GABRB1: variants seen among roughly 807,000 people sequenced by gnomAD.
GABRB1 encodes gamma-aminobutyric acid receptor subunit beta-1.
Under a neutral mutation model 51.6 loss-of-function variants are expected in GABRB1, and 17 were observed. That is an observed-to-expected ratio of 0.33 (90% CI 0.23 to 0.49). The LOEUF (loss-of-function observed/expected upper bound fraction) is 0.49, where lower values mean the gene tolerates loss of function less well. Among genes scored for constraint, GABRB1 ranks in the 20% least tolerant of loss-of-function variants. The pLI, the probability that GABRB1 is intolerant of heterozygous loss-of-function variation, is 0.99. For missense variants in GABRB1, 410 were observed against 600.6 expected (o/e 0.68, Z 3.32); for synonymous variants, 247 against 218.9 (o/e 1.13, Z -1.14).
At chr4:47,318,819 A>C (rs1724972107) in intron 4 of GABRB1, among the ~76,000 whole-genome samples, 1 of 152,162 alleles carries the variant, frequency 6.6e-6, no homozygotes, top group Admixed American at 6.5e-5. Flanking sequence ...ACTTTTAAAA[A>C]TGTAACGGTC....
intron 5 of GABRB1, among the ~76,000 whole-genome samples, chr4:47,335,500 G>C (rs913032169): frequency 6.6e-6 from 1 of 151,976 alleles, no homozygotes; most frequent in Non-Finnish European, 1.5e-5. Flanking sequence ...TGTTCATCTA[G>C]TTGCATAATA....
intron 4 of GABRB1, among the ~76,000 whole-genome samples, chr4:47,180,169 C>G (rs1397773841): frequency 6.6e-6 from 1 of 151,920 alleles, no homozygotes; most frequent in Non-Finnish European, 1.5e-5. Flanking sequence ...AAGAAACACC[C>G]TGATACAGAG....
At chr4:47,368,747 G>A (rs975284673) in intron 5 of GABRB1, among the ~76,000 whole-genome samples, 9 of 151,918 alleles carry the variant, frequency 5.9e-5, no homozygotes, top group African/African-American at 2.2e-4. Flanking sequence ...TCTCAGCAGT[G>A]TATGACCACT....
intron 7 of GABRB1, among the ~76,000 whole-genome samples, chr4:47,406,351 T>G (rs1265681019): frequency 6.6e-6 from 1 of 152,234 alleles, no homozygotes; most frequent in Non-Finnish European, 1.5e-5. Flanking sequence ...TGTGGTCATG[T>G]AACAAAGTGA....
At chr4:47,368,039 C>T (rs1408918653) in intron 5 of GABRB1, among the ~76,000 whole-genome samples, 1 of 152,196 alleles carries the variant, frequency 6.6e-6, no homozygotes, top group Non-Finnish European at 1.5e-5. Context: ...AATCATGTTG[C>T]TACCCATGGT....
At chr4:47,082,517 T>A (rs1333919796) in intron 3 of GABRB1, among the ~76,000 whole-genome samples, 1 of 152,140 alleles carries the variant, frequency 6.6e-6, no homozygotes, top group Non-Finnish European at 1.5e-5. Flanking sequence ...TATGTCATTC[T>A]CTGCTATTTC....
At chr4:47,400,128 T>C (rs1025927064) in intron 5 of GABRB1, among the ~76,000 whole-genome samples, 3 of 152,214 alleles carry the variant, frequency 2.0e-5, no homozygotes, top group Admixed American at 6.5e-5. Context: ...TAAAATTGTC[T>C]TCCAAGCCAC....
At chr4:47,181,622 G>A (rs147464221) in intron 4 of GABRB1, among the ~76,000 whole-genome samples, 171 of 152,028 alleles carry the variant, frequency 1.1e-3, no homozygotes, top group African/African-American at 3.5e-3. Context: ...AGTGCCTATC[G>A]CATAGGGTTG....
intron 7 of GABRB1, 130 bp from the exon 8 acceptor site, chr4:47,406,552 G>T: frequency 9.0e-7 from 1 of 1,109,252 alleles, no homozygotes; most frequent in Admixed American, 2.2e-5. Flanking sequence ...TTTGCCCAAT[G>T]GTTTATCATG....
chr4:47,291,193 C>G (rs548804386), intron 4 of GABRB1, among the ~76,000 whole-genome samples: 1 of 152,144 alleles, frequency 6.6e-6, no homozygotes, highest in Non-Finnish European at 1.5e-5. Context: ...TAAAATGGGG[C>G]AAGGTACAGC....
At chr4:47,320,057 G>A in intron 4 of GABRB1, 70 bp from the exon 5 acceptor site, 1 of 1,062,264 alleles carries the variant, frequency 9.4e-7, no homozygotes, top group Non-Finnish European at 1.5e-6. Context: ...ATGATTTGGG[G>A]CTAGGAAGCC....
At chr4:47,363,888 A>G (rs1414984363) in intron 5 of GABRB1, among the ~76,000 whole-genome samples, 1 of 152,202 alleles carries the variant, frequency 6.6e-6, no homozygotes, top group Non-Finnish European at 1.5e-5. Flanking sequence ...GTTCACCTGG[A>G]CAGGGTCAGG....
chr4:47,086,777 C>T (rs528167510), intron 3 of GABRB1, among the ~76,000 whole-genome samples: 76 of 152,296 alleles, frequency 5.0e-4, no homozygotes, highest in Admixed American at 1.8e-3. Context: ...TGATTTCTCA[C>T]ATAGAGCTCT....
intron 4 of GABRB1, among the ~76,000 whole-genome samples, chr4:47,216,645 C>T (rs1190432703): frequency 1.1e-4 from 17 of 151,818 alleles, no homozygotes; most frequent in Admixed American, 1.1e-3. Context: ...GGCAAATAGT[C>T]GTATGATAAG....
In GABRB1 at chr4:47,300,344, C is replaced by T. The variant is rs1396883440; in HGVS notation, c.462-19783C>T. 2.0e-5 allele frequency among the ~76,000 whole-genome samples: 3 copies of T among 152,038 alleles called. No individual in the cohort carries two copies. In the East Asian group the frequency reaches 5.8e-4, roughly 29 times the overall value. ...TTCATTAATTAAGTTCAATATCAGT[C>T]CTAGGCTTTAAGAGGGACATTGTAA... On this transcript the variant is annotated intron_variant, in intron 4 of 8. Coordinates refer to ENST00000295454, the MANE Select transcript of GABRB1 (RefSeq NM_000812.4).
At chr4:47,289,692 A>T (rs1723652161) in intron 4 of GABRB1, among the ~76,000 whole-genome samples, 1 of 152,208 alleles carries the variant, frequency 6.6e-6, no homozygotes, top group Non-Finnish European at 1.5e-5. Flanking sequence ...CCCATGCATG[A>T]CATAAGATGC....
At chr4:47,422,542 A>G (rs969460043) in intron 8 of GABRB1, among the ~76,000 whole-genome samples, 1 of 152,024 alleles carries the variant, frequency 6.6e-6, no homozygotes, top group Non-Finnish European at 1.5e-5. Flanking sequence ...CTGAAACACT[A>G]TTGACCATTC....
chr4:47,055,944 A>G (rs747592301), intron 3 of GABRB1, among the ~76,000 whole-genome samples: 5 of 152,228 alleles, frequency 3.3e-5, no homozygotes, highest in African/African-American at 1.2e-4. Flanking sequence ...GCAAAGGCTT[A>G]TGTACAATAA....
At chr4:47,318,789 C>T (rs1724971699) in intron 4 of GABRB1, among the ~76,000 whole-genome samples, 1 of 152,092 alleles carries the variant, frequency 6.6e-6, no homozygotes, top group South Asian at 2.1e-4. Context: ...GTTTTTGATT[C>T]ACTTTTGAAT....
Sources: gnomAD v4.1 joint callset for allele counts (sites outside exome capture counted in the v4.1 genomes callset) on GRCh38, gnomAD v4.1.1 for gene constraint, MANE v1.5 for transcripts, NCBI Gene and HGNC (gene_info 2026-07-23, HGNC 2026-07-21) for gene names.